The following PTCH2 variants were observed in gnomAD, a reference collection of about 807,000 sequenced individuals.
The protein encoded by PTCH2 is patched 2.
PTCH2 carries 96 observed loss-of-function variants against 117.9 expected under a neutral mutation model. That is an observed-to-expected ratio of 0.81 (90% CI 0.69 to 0.96). The LOEUF is 0.96. Among genes scored for constraint, PTCH2 ranks in the 50% least tolerant of loss-of-function variants. PTCH2 has a pLI of 0.00. For synonymous variants in PTCH2, 615 were observed against 660.9 expected, an observed-to-expected ratio of 0.93 and a Z score of 1.06; for missense variants, 1,379 against 1,562.5, an observed-to-expected ratio of 0.88 and a Z score of 1.98.
At chr1:44,825,099 T>G (rs190652632) in intron 19 of PTCH2, among the ~76,000 whole-genome samples, 2 of 152,298 alleles carry the variant, frequency 1.3e-5, no homozygotes, top group African/African-American at 4.8e-5. Context: ...AATGGCTGCT[T>G]ATTTATTTGT....
chr1:44,829,591 C>A (rs1184052513), intron 8 of PTCH2, 23 bp downstream of exon 8: 30 of 1,614,080 alleles, frequency 1.9e-5, no homozygotes, highest in Non-Finnish European at 2.5e-5. Flanking sequence ...CAGGGCACCC[C>A]CCTTGTCCTT....
chr1:44,819,862 A>G (rs181782534), downstream of PTCH2: 1 of 152,820 alleles, frequency 6.5e-6, no homozygotes, highest in Non-Finnish European at 1.5e-5. Context: ...TAGTTGCCTA[A>G]CTTTTAATAC....
At position 44,823,262 on chromosome 1, in the gene PTCH2, G is replaced by C. The variant is rs1282792700; in HGVS notation, c.3238C>G (p.His1080Asp). The C allele has an allele frequency of 1.2e-6, 2 of 1,614,102 alleles. No homozygotes were observed. The highest frequency in any genetic ancestry group is 8.5e-7 in the Non-Finnish European group (1 of 1,180,046). ...LLGLLMLAGSHFDFIVRYFFA... is the reference protein window; with the variant it reads ...LLGLLMLAGSDFDFIVRYFFA... ...CCCTACCTTACAATGAAGTCAAAGT[G>C]GGAACCAGCAAGCATGAGCAGACCC... Residue 1080 changes from histidine to aspartate, a missense_variant, in exon 20 of 22, where the codon CAC becomes GAC. Transcript: ENST00000372192. This position sits in a 1 kb window ranked among gnomAD's most constrained non-coding sequence, Gnocchi z 5.1.
chr1:44,841,785 C>T, intron 2 of PTCH2, 62 bp downstream of exon 2: 3 of 1,585,234 alleles, frequency 1.9e-6, no homozygotes, highest in Admixed American at 1.7e-5. Flanking sequence ...GCCAGCTCCT[C>T]ACCCCGTTCT....
In PTCH2 at chr1:44,823,685, T is replaced by A. The variant is rs937598609; in HGVS notation, c.3115-300A>T. 6.6e-5 allele frequency among the ~76,000 whole-genome samples: 10 copies of A among 151,616 alleles called. No individual in the cohort carries two copies. Among genetic ancestry groups the A allele is most frequent in the Non-Finnish European group, 2.9e-5 (2 of 67,926 alleles). On this transcript the variant is annotated intron_variant, in intron 19 of 21. Transcript: ENST00000372192. This position sits in a 1 kb window ranked among gnomAD's most constrained non-coding sequence, Gnocchi z 5.1. ...CGGGCACGGTGGCTCATGCCTGTAA[T>A]CCCAGCACTTTGGGAGGCTGAGGTG...
chr1:44,830,148 G>A, intron 6 of PTCH2, 118 bp from the exon 7 acceptor site: 14 of 1,393,120 alleles, frequency 1.0e-5, no homozygotes, highest in Middle Eastern at 2.5e-4. Context: ...TGGAGTGTAG[G>A]TAACTATTCT....
Position 44,826,588 on chromosome 1 carries a change from C to T in PTCH2, c.2876G>A (p.Gly959Asp), listed in dbSNP as rs1444753154. 1.2e-6 allele frequency: 2 copies of T among 1,613,266 alleles called. No homozygotes were observed. Among genetic ancestry groups the T allele is most frequent in the Non-Finnish European group, 8.5e-7 (1 of 1,180,020 alleles). The change falls in exon 18 of 22, where the codon GGC becomes GAC. Residue 959 changes from glycine to aspartate, a missense_variant. Coordinates refer to ENST00000372192, the MANE Select transcript of PTCH2 (RefSeq NM_003738.5). This position sits in a 1 kb window ranked among gnomAD's most constrained non-coding sequence, Gnocchi z 5.1. ...SPFLFWEQYL[G>D]LRRCFLLAVC... ...GGCCAGCAGGAAGCAGCGCCGCAGG[C>T]CCAGATACTGTTCCCAGAAGAGGAA... is the stretch of plus-strand genomic sequence containing the variant.
In PTCH2 at chr1:44,831,150, G is replaced by T; in HGVS notation, c.618-107C>A. 1 of 1,167,270 alleles carries T rather than the reference G, an allele frequency of 8.6e-7. No homozygotes were observed. The highest frequency in any genetic ancestry group is 1.2e-6 in the Non-Finnish European group (1 of 821,658). 72.3% of individuals were successfully genotyped at this position (1,167,270 alleles called of 1,614,324 possible). A position where few individuals can be genotyped will look rare whatever the true frequency, so the allele number is the denominator to read the frequency against. The stretch of plus-strand genomic sequence containing the variant: ...CCACCCTCCTCTTATCTGCCGATTT[G>T]TCCTTCCATATGGAGGGTGTGCAAG... On this transcript the variant is annotated intron_variant, in intron 5 of 21. Transcript: ENST00000372192. The surrounding 1 kb of genome is among the most constrained non-coding windows in gnomAD (Gnocchi z 4.3).
intron 2 of PTCH2, among the ~76,000 whole-genome samples, chr1:44,835,635 C>A (rs1293239872): frequency 1.3e-5 from 2 of 152,082 alleles, no homozygotes; most frequent in African/African-American, 4.8e-5. Context: ...CGTGTAAAGG[C>A]CTATATACTA....
chr1:44,821,659 G>A, downstream of PTCH2: 1 of 623,264 alleles, frequency 1.6e-6, no homozygotes, highest in South Asian at 7.1e-5. Flanking sequence ...GGCTCTGAAA[G>A]CCACACAGTG....
intron 2 of PTCH2, among the ~76,000 whole-genome samples, chr1:44,836,954 T>C (rs1653716734): frequency 1.3e-5 from 2 of 152,218 alleles, no homozygotes; most frequent in Middle Eastern, 3.4e-3. Context: ...CCTGTCTCTA[T>C]AAAACAAAAC....
rs764488358 is a variant in PTCH2 at position 44,829,284 on chromosome 1, C to T, written c.1244G>A (p.Arg415Gln). 38 of 1,613,604 alleles carry T rather than the reference C, an allele frequency of 2.4e-5. No individual in the cohort carries two copies. Among genetic ancestry groups the T allele is most frequent in the South Asian group, 8.8e-5 (8 of 91,074 alleles). The change falls in exon 10 of 22, where the codon CGG becomes CAG. Residue 415 changes from arginine (R) to glutamine (Q), a missense_variant. Arg to Gln is a conservative substitution (Grantham distance 43, BLOSUM62 1). Coordinates refer to ENST00000372192, the MANE Select transcript of PTCH2 (RefSeq NM_003738.5). ...ACCCTGGGACTGGGCGCAGTCCCACCGCAGCATGGTCACACAGGCATAGGC... is the reference window on the plus strand; with the variant it reads ...ACCCTGGGACTGGGCGCAGTCCCACTGCAGCATGGTCACACAGGCATAGGC... Reference protein sequence around the residue: ...MLAYACVTMLRWDCAQSQGSV... With the variant: ...MLAYACVTMLQWDCAQSQGSV...
rs1322354096 is a variant in PTCH2 at position 44,823,006 on chromosome 1, T to C, written c.3357+63A>G. On this transcript the variant is annotated intron_variant, in intron 21 of 21. Transcript: ENST00000372192. This position sits in a 1 kb window ranked among gnomAD's most constrained non-coding sequence, Gnocchi z 5.1. ...GGGCCACAGGGCTCTGTCCCTTCCC[T>C]TGCCTCTCCCTACCCCGTCCCTTGG... 2.6e-6 allele frequency: 4 copies of C among 1,545,748 alleles called. No homozygotes were observed. The highest frequency in any genetic ancestry group is 3.5e-6 in the Non-Finnish European group (4 of 1,133,128).
At position 44,831,702 on chromosome 1, in the gene PTCH2, T is replaced by A. The variant is rs1411997602; in HGVS notation, c.617+4A>T. ...TGAAGCAGGGCCCCAGGAGTGGCAC[T>A]CACGGCAGGTAGGCGGAGCCCCCTT... On this transcript the variant is annotated splice_donor_region_variant and intron_variant, in intron 5 of 21. Transcript: ENST00000372192. This position sits in a 1 kb window ranked among gnomAD's most constrained non-coding sequence, Gnocchi z 4.3. 89 of 1,555,268 alleles carry A rather than the reference T, an allele frequency of 5.7e-5. No homozygotes were observed. Among genetic ancestry groups the A allele is most frequent in the Non-Finnish European group, 7.7e-5 (89 of 1,148,848 alleles).
chr1:44,826,471 C>G lies in PTCH2; in HGVS notation c.2976+17G>C. ...GAAGGGTGGGGTGTCTCTGTCCCCA[C>G]TCCTGCAAGCACTCACTATGAGGCC... On this transcript the variant is annotated intron_variant, in intron 18 of 21. Transcript: ENST00000372192. This position sits in a 1 kb window ranked among gnomAD's most constrained non-coding sequence, Gnocchi z 5.1. The G allele has an allele frequency of 6.2e-6, 10 of 1,613,802 alleles. No individual in the cohort carries two copies. The highest frequency in any genetic ancestry group is 7.6e-6 in the Non-Finnish European group (9 of 1,179,998).
At chr1:44,828,851 T>C in intron 11 of PTCH2, 131 bp downstream of exon 11, 1 of 1,227,432 alleles carries the variant, frequency 8.1e-7, no homozygotes, top group Non-Finnish European at 1.2e-6. Flanking sequence ...CACAGCACTA[T>C]TATTTCCCCT....
Position 44,827,396 on chromosome 1 carries a change from T to C in PTCH2, c.2371+6A>G. 1 of 1,613,766 alleles carries C rather than the reference T, an allele frequency of 6.2e-7. No individual in the cohort carries two copies. On this transcript the variant is annotated splice_donor_region_variant and intron_variant, in intron 15 of 21. Coordinates refer to ENST00000372192, the MANE Select transcript of PTCH2 (RefSeq NM_003738.5). Reference sequence around the variant, plus strand: ...ACCCCTCCCTGCCCGTCTCCTCGCCTCTCACCCTGTAGCCAGTTGCGGTAA... The same window carrying C: ...ACCCCTCCCTGCCCGTCTCCTCGCCCCTCACCCTGTAGCCAGTTGCGGTAA...
chr1:44,834,757 G>A (rs1653612375), intron 2 of PTCH2, among the ~76,000 whole-genome samples: 1 of 152,256 alleles, frequency 6.6e-6, no homozygotes, highest in South Asian at 2.1e-4. Flanking sequence ...GGGATGCATT[G>A]TGGTGCAGAA....
rs762625084 is a variant in PTCH2, at chr1:44,822,616, C to T, written c.3411G>A (p.Gln1137=). 7 of 1,613,922 alleles carry T rather than the reference C, an allele frequency of 4.3e-6. No individual in the cohort carries two copies. The highest frequency in any genetic ancestry group is 3.3e-5 in the Admixed American group (2 of 60,008). ...SPEILSPPAP[Q]GGGLRWGASS... is the part of the protein sequence containing the mutation. ...ATGCCCCCCACCTAAGCCCGCCTCC[C>T]TGTGGAGCTGGTGGACTCAGGATCT... Residue 1137 remains glutamine (Q), a synonymous_variant, in exon 22 of 22, where the codon CAG becomes CAA. Transcript: ENST00000372192.
Sources: allele counts gnomAD v4.1 joint callset (sites outside exome capture counted in the v4.1 genomes callset), GRCh38; gene constraint gnomAD v4.1.1; non-coding constraint Gnocchi (gnomAD v3.1); transcripts MANE v1.5; gene names NCBI Gene and HGNC (gene_info 2026-07-23, HGNC 2026-07-21).